Variants in IFT81 observed in about 807,000 individuals in gnomAD.
IFT81 encodes intraflagellar transport 81.
In IFT81, 72 loss-of-function variants were observed where a neutral mutation model predicts 102.6. The ratio of observed to expected loss-of-function variants is 0.70; its 90% CI spans 0.58 to 0.85. IFT81 has a LOEUF of 0.85. IFT81 is among the 40% of genes least tolerant of loss of function. The probability of loss-of-function intolerance (pLI) is 0.00; values close to 1 mark genes in which losing one functional copy is unlikely to be tolerated. For synonymous variants in IFT81, 237 were observed against 242.7 expected, an observed-to-expected ratio of 0.98 and a Z score of 0.22; for missense variants, 723 against 787.3, an observed-to-expected ratio of 0.92 and a Z score of 0.98.
chr12:110,170,233 G>A (rs1593329447), intron 11 of IFT81, among the ~76,000 whole-genome samples: 1 of 152,216 alleles, frequency 6.6e-6, no homozygotes, highest in South Asian at 2.1e-4. Flanking sequence ...GATTACAGGC[G>A]TAAGCCACTG....
intron 14 of IFT81, among the ~76,000 whole-genome samples, chr12:110,200,034 C>T (rs558968188): frequency 4.6e-5 from 7 of 152,318 alleles, no homozygotes; most frequent in Admixed American, 4.6e-4. Flanking sequence ...ATTCCCAATT[C>T]CTTTCACCAA....
chr12:110,205,755 T>A, intron 17 of IFT81, 75 bp downstream of exon 17: 1 of 914,496 alleles, frequency 1.1e-6, no homozygotes, highest in Non-Finnish European at 1.7e-6. Flanking sequence ...AAGATAGAAT[T>A]ATACAAATTT....
chr12:110,192,025 G>A (rs1566158774), intron 13 of IFT81, among the ~76,000 whole-genome samples: 1 of 151,990 alleles, frequency 6.6e-6, no homozygotes, highest in Non-Finnish European at 1.5e-5. Flanking sequence ...ACAAAAATCA[G>A]CCGGGCGTGG....
chr12:110,178,767 C>T (rs1196757992), intron 11 of IFT81, among the ~76,000 whole-genome samples: 1 of 852 alleles, frequency 1.2e-3, no homozygotes. Context: ...AGGCACATGC[C>T]ACTACGCCCG....
intron 14 of IFT81, among the ~76,000 whole-genome samples, chr12:110,196,941 CTG>C (rs1593362838): frequency 1.3e-5 from 2 of 152,218 alleles, no homozygotes; most frequent in East Asian, 3.9e-4. Context: ...TTGCTCATGA[CTG>C]TAATCCTAGC....
chr12:110,126,271 C>CCGTCTCAA (rs1893835529), intron 1 of IFT81, among the ~76,000 whole-genome samples: 1 of 131,356 alleles, frequency 7.6e-6, no homozygotes, highest in South Asian at 2.4e-4. Flanking sequence ...GAGCGAGACT[C>CCGTCTCAA]CGTCTCAAAA....
At chr12:110,139,745 G>A (rs998237915) in intron 8 of IFT81, among the ~76,000 whole-genome samples, 1 of 150,932 alleles carries the variant, frequency 6.6e-6, no homozygotes, top group Non-Finnish European at 1.5e-5. Context: ...CTGCACTCCA[G>A]CCTGGGCGAC....
intron 12 of IFT81, among the ~76,000 whole-genome samples, chr12:110,187,739 G>A (rs1191368761): frequency 6.6e-6 from 1 of 152,068 alleles, no homozygotes; most frequent in African/African-American, 2.4e-5. Flanking sequence ...ATCAAGTTGA[G>A]GGTAGCTTTT....
At chr12:110,163,795 T>C (rs1593320585) in intron 11 of IFT81, among the ~76,000 whole-genome samples, 1 of 151,276 alleles carries the variant, frequency 6.6e-6, no homozygotes, top group African/African-American at 2.4e-5. Context: ...TTTGTATTTT[T>C]AGTAGAGACG....
intron 8 of IFT81, among the ~76,000 whole-genome samples, chr12:110,138,535 C>T (rs542987023): frequency 3.0e-3 from 450 of 151,858 alleles, no homozygotes; most frequent in African/African-American, 5.8e-3. Context: ...CGGGTTCAAG[C>T]GATTCTCCTG....
At position 110,143,465 on chromosome 12, in the gene IFT81, A is replaced by G; in HGVS notation, c.865A>G (p.Lys289Glu). The G allele has an allele frequency of 6.4e-7, 1 of 1,553,420 alleles. No homozygotes were observed. Among genetic ancestry groups the G allele is most frequent in the East Asian group, 2.4e-5 (1 of 42,532 alleles). The part of the protein sequence containing the change: ...EKFPKELENK[K>E]KELHFLQKVV... ...ATTTCCTAAAGAATTAGAAAATAAG[A>G]AAAAGGAATTACATTTTTTACAAAA... is the stretch of plus-strand genomic sequence containing the variant. Residue 289 changes from lysine (K) to glutamate (E), a missense_variant, in exon 9 of 19, where the codon AAA becomes GAA. By Grantham distance (56) the Lys-to-Glu change is moderately conservative (BLOSUM62 1). Transcript: ENST00000242591.
chr12:110,207,749 G>A (rs1868850656), intron 17 of IFT81, among the ~76,000 whole-genome samples: 1 of 151,716 alleles, frequency 6.6e-6, no homozygotes, highest in Non-Finnish European at 1.5e-5. Context: ...ATTTTTAGTA[G>A]AGACAGGGTT....
intron 11 of IFT81, among the ~76,000 whole-genome samples, chr12:110,169,629 C>A (rs897625258): frequency 5.3e-5 from 8 of 152,214 alleles, no homozygotes; most frequent in Non-Finnish European, 1.0e-4. Flanking sequence ...CTGACATGAT[C>A]TCAACCCACT....
chr12:110,151,175 T>C (rs898192498), intron 10 of IFT81, among the ~76,000 whole-genome samples: 1 of 152,124 alleles, frequency 6.6e-6, no homozygotes, highest in Non-Finnish European at 1.5e-5. Context: ...GCACCCACTT[T>C]CCATTTCTCC....
At chr12:110,137,069 C>T (rs761045878) in intron 8 of IFT81, among the ~76,000 whole-genome samples, 9 of 152,172 alleles carry the variant, frequency 5.9e-5, no homozygotes, top group South Asian at 4.1e-4. Context: ...ACCAGATGGC[C>T]GGGTGCAGTG....
chr12:110,181,240 T>C (rs1391559785), intron 12 of IFT81, among the ~76,000 whole-genome samples: 1 of 152,236 alleles, frequency 6.6e-6, no homozygotes, highest in Non-Finnish European at 1.5e-5. Flanking sequence ...CTGATGAATA[T>C]TATTTGCTTT....
intron 10 of IFT81, among the ~76,000 whole-genome samples, chr12:110,151,801 T>G (rs1294147434): frequency 1.3e-5 from 2 of 152,192 alleles, no homozygotes; most frequent in East Asian, 3.8e-4. Context: ...ACCAGTATCT[T>G]TCCAATCTGT....
chr12:110,187,412 C>T (rs1415397518), intron 12 of IFT81, among the ~76,000 whole-genome samples: 2 of 152,038 alleles, frequency 1.3e-5, no homozygotes, highest in Non-Finnish European at 2.9e-5. Flanking sequence ...TACAGGCACC[C>T]ACCACCACAC....
chr12:110,164,113 C>G (rs977199884), intron 11 of IFT81, among the ~76,000 whole-genome samples: 1 of 151,998 alleles, frequency 6.6e-6, no homozygotes, highest in Non-Finnish European at 1.5e-5. Context: ...GTGGGACTGA[C>G]ATGATTAAAA....
Sources: gnomAD v4.1 joint callset for allele counts (sites outside exome capture counted in the v4.1 genomes callset) on GRCh38, gnomAD v4.1.1 for gene constraint, MANE v1.5 for transcripts, NCBI Gene and HGNC (gene_info 2026-07-23, HGNC 2026-07-21) for gene names.